Variants in GRIA4 observed in about 807,000 individuals in gnomAD.
GRIA4 encodes glutamate ionotropic receptor AMPA type subunit 4.
In GRIA4, 34 loss-of-function variants were observed where a neutral mutation model predicts 104.0. The ratio of observed to expected loss-of-function variants is 0.33; its 90% confidence interval spans 0.25 to 0.44. GRIA4 has a LOEUF of 0.44. Ranked by LOEUF, GRIA4 falls within the 20% of genes least tolerant of loss-of-function variation. The pLI is 1.00. For missense variants in GRIA4, 750 were observed against 1,096.5 expected, an observed-to-expected ratio of 0.68 and a Z score of 4.46; for synonymous variants, 386 against 381.9, an observed-to-expected ratio of 1.01 and a Z score of -0.13.
chr11:105,750,552 C>T lies in GRIA4; in HGVS notation c.248-2429C>T, dbSNP rs188898834. 1.6e-4 allele frequency among the ~76,000 whole-genome samples: 24 copies of T among 151,608 alleles called. No homozygotes were observed. The East Asian group carries it at 2.3e-3, about 15-fold the overall frequency. The stretch of plus-strand genomic sequence containing the variant: ...CAAATGAACGAAAGCAGATAGAAGA[C>T]GATAAAATATCAGAAAATATTGTTT... On this transcript the variant is annotated intron_variant, in intron 3 of 16. Coordinates refer to ENST00000282499, the MANE Select transcript of GRIA4 (RefSeq NM_000829.4).
At chr11:105,913,779 T>C (rs540500078) in intron 10 of GRIA4, among the ~76,000 whole-genome samples, 5 of 152,210 alleles carry the variant, frequency 3.3e-5, no homozygotes, top group Non-Finnish European at 5.9e-5. Context: ...GGGATGCTTA[T>C]GATGCATTGC....
At chr11:105,708,559 G>C (rs1401570409) in intron 3 of GRIA4, among the ~76,000 whole-genome samples, 1 of 151,940 alleles carries the variant, frequency 6.6e-6, no homozygotes, top group East Asian at 1.9e-4. Context: ...AAGAACTTAG[G>C]TAATTTGGGA....
chr11:105,875,021 G>T (rs2136061781), intron 5 of GRIA4, among the ~76,000 whole-genome samples: 1 of 152,266 alleles, frequency 6.6e-6, no homozygotes, highest in Admixed American at 6.5e-5. Flanking sequence ...TCCAGCTTTT[G>T]CCCATTCAGT....
intron 13 of GRIA4, among the ~76,000 whole-genome samples, chr11:105,931,372 G>T (rs1446060767): frequency 6.6e-6 from 1 of 151,186 alleles, no homozygotes; most frequent in Non-Finnish European, 1.5e-5. Flanking sequence ...AATACTAAAA[G>T]ATGTCAATTT....
At chr11:105,941,565 T>C (rs892240611) in intron 14 of GRIA4, among the ~76,000 whole-genome samples, 7 of 152,144 alleles carry the variant, frequency 4.6e-5, no homozygotes, top group African/African-American at 1.7e-4. Context: ...TTAATTTTTT[T>C]TTAATTCTGG....
At chr11:105,814,905 GC>G (rs1943316766) in intron 4 of GRIA4, among the ~76,000 whole-genome samples, 1 of 152,072 alleles carries the variant, frequency 6.6e-6, no homozygotes, top group African/African-American at 2.4e-5. Flanking sequence ...TGAATATATG[GC>G]CCAGAGTTGG....
intron 4 of GRIA4, among the ~76,000 whole-genome samples, chr11:105,759,383 C>T (rs979111577): frequency 3.3e-5 from 5 of 151,994 alleles, no homozygotes; most frequent in African/African-American, 9.7e-5. Context: ...CTTTTTCCTT[C>T]GCAGGCATCC....
At chr11:105,634,293 G>A (rs1165293079) in intron 3 of GRIA4, among the ~76,000 whole-genome samples, 1 of 149,904 alleles carries the variant, frequency 6.7e-6, no homozygotes, top group Non-Finnish European at 1.5e-5. Context: ...GTTGTAGTGA[G>A]CCAGGACTGT....
rs60005308 is a variant in GRIA4, at chr11:105,911,775, A to AATATATATATATATATATAT, written c.1269+1245_1269+1264dup. ...AATATTTGCATGGGACTTGAAAAGC[A>AATATATATATATATATATAT]ATATATATATATATATATATATATA... On this transcript the variant is annotated intron_variant, in intron 10 of 16. Transcript: ENST00000282499. The AATATATATATATATATATAT allele has an allele frequency of 2.5e-3, 185 of 74,578 alleles. 4 individuals are homozygous for AATATATATATATATATATAT. Among genetic ancestry groups the AATATATATATATATATATAT allele is most frequent in the African/African-American group, 3.2e-3 (47 of 14,474 alleles). The allele number at this position is 74,578 out of a possible 1,614,324, so 4.6% of individuals were successfully genotyped here. A position where few individuals can be genotyped will look rare whatever the true frequency, so the allele number is the denominator to read the frequency against.
chr11:105,657,387 TA>T (rs1402410847), intron 3 of GRIA4, among the ~76,000 whole-genome samples: 1 of 151,910 alleles, frequency 6.6e-6, no homozygotes, highest in Non-Finnish European at 1.5e-5. Flanking sequence ...AAAATAATCA[TA>T]AAAAACTCTA....
chr11:105,666,716 T>C (rs1952176458), intron 3 of GRIA4, among the ~76,000 whole-genome samples: 1 of 152,030 alleles, frequency 6.6e-6, no homozygotes, highest in Non-Finnish European at 1.5e-5. Context: ...CTTAAGTAAA[T>C]CATACATACT....
intron 3 of GRIA4, among the ~76,000 whole-genome samples, chr11:105,714,012 C>T (rs1472980709): frequency 3.3e-5 from 5 of 151,988 alleles, no homozygotes; most frequent in African/African-American, 7.2e-5. Flanking sequence ...CTTAGAGACG[C>T]TTTGAGGCAG....
chr11:105,770,094 T>G (rs759691235), intron 4 of GRIA4, among the ~76,000 whole-genome samples: 1 of 152,124 alleles, frequency 6.6e-6, no homozygotes, highest in South Asian at 2.1e-4. Context: ...GTTTAAGTGA[T>G]ACATACATAG....
At chr11:105,721,583 T>G (rs1937823771) in intron 3 of GRIA4, among the ~76,000 whole-genome samples, 1 of 152,232 alleles carries the variant, frequency 6.6e-6, no homozygotes, top group South Asian at 2.1e-4. Flanking sequence ...CAAAGCACTG[T>G]ACAAATGCCA....
At chr11:105,812,780 T>C (rs75699590) in intron 4 of GRIA4, among the ~76,000 whole-genome samples, 4,591 of 152,090 alleles carry the variant, frequency 0.03, 139 homozygotes, top group African/African-American at 0.077. Flanking sequence ...GGGAAGATTA[T>C]GAAAAAGGGC....
rs188645381 is a variant in GRIA4 at position 105,846,811 on chromosome 11, T to A, written c.488-15213T>A. ...TGGAGAACATTGGTAAAAAATATTT[T>A]CTTTAAAGAGCTTTACAACCAACAC... On this transcript the variant is annotated intron_variant, in intron 4 of 16. Transcript: ENST00000282499. 7.4e-3 allele frequency among the ~76,000 whole-genome samples: 1,129 copies of A among 152,344 alleles called. 13 individuals are homozygous for A. Among genetic ancestry groups the A allele is most frequent in the African/African-American group, 0.025 (1,045 of 41,580 alleles).
At chr11:105,973,444 T>A (rs1230369752) in intron 15 of GRIA4, among the ~76,000 whole-genome samples, 1 of 152,076 alleles carries the variant, frequency 6.6e-6, no homozygotes, top group East Asian at 1.9e-4. Flanking sequence ...ATTCTGGATT[T>A]ATTACGAGAT....
At chr11:105,925,444 T>C (rs2136196326) in intron 12 of GRIA4, among the ~76,000 whole-genome samples, 1 of 152,250 alleles carries the variant, frequency 6.6e-6, no homozygotes, top group African/African-American at 2.4e-5. Context: ...AAAAAATGCC[T>C]TACTTTTCTC....
intron 4 of GRIA4, among the ~76,000 whole-genome samples, chr11:105,788,741 A>G (rs1942085266): frequency 6.6e-6 from 1 of 151,928 alleles, no homozygotes; most frequent in African/African-American, 2.4e-5. Context: ...GGGGACTCCA[A>G]AAGGGATGAG....
Sources: gnomAD v4.1 joint callset for allele counts (sites outside exome capture counted in the v4.1 genomes callset) on GRCh38, gnomAD v4.1.1 for gene constraint, MANE v1.5 for transcripts, NCBI Gene and HGNC (gene_info 2026-07-23, HGNC 2026-07-21) for gene names.